The following ARHGAP32 variants were observed in gnomAD, a reference collection of about 807,000 sequenced individuals.
The protein encoded by ARHGAP32 is Rho GTPase activating protein 32, also known as rho GTPase-activating protein 32.
ARHGAP32 carries 51 observed loss-of-function variants against 186.5 expected under a neutral mutation model. The ratio of observed to expected loss-of-function variants is 0.27; its 90% confidence interval spans 0.22 to 0.35. The LOEUF is 0.35. Ranked by LOEUF, ARHGAP32 falls within the 10% of genes least tolerant of loss-of-function variation. ARHGAP32 has a pLI of 1.00. For missense variants in ARHGAP32, 2,186 were observed against 2,623.5 expected (o/e 0.83, Z 3.64); for synonymous variants, 950 against 964.3 (o/e 0.99, Z 0.27).
chr11:128,970,782 T>C lies in ARHGAP32; in HGVS notation c.4431A>G (p.Gln1477=). The C allele has an allele frequency of 6.2e-7, 1 of 1,614,110 alleles. No individual in the cohort carries two copies. Among genetic ancestry groups the C allele is most frequent in the Non-Finnish European group, 8.5e-7 (1 of 1,180,006 alleles). ...DALPLPLPVP[Q]PKHASQKTVY... is the part of the protein sequence containing the mutation. ...CTGTTTTCTGAGAAGCATGCTTAGG[T>C]TGTGGGACAGGAAGTGGTAAAGGCA... Residue 1477 remains glutamine (Q), a synonymous_variant, in exon 23 of 23, where the codon CAA becomes CAG. Coordinates refer to ENST00000682385, the MANE Select transcript of ARHGAP32 (RefSeq NM_001378024.1). The surrounding 1 kb of genome is among the most constrained non-coding windows in gnomAD (Gnocchi z 5.8).
intron 11 of ARHGAP32, among the ~76,000 whole-genome samples, chr11:129,025,414 A>C (rs567888213): frequency 6.6e-6 from 1 of 152,344 alleles, no homozygotes; most frequent in Admixed American, 6.5e-5. Context: ...TTAAAATAAG[A>C]AAGATCATAG....
chr11:129,195,539 C>T (rs1052892379), upstream of ARHGAP32, among the ~76,000 whole-genome samples: 3 of 151,584 alleles, frequency 2.0e-5, no homozygotes, highest in Admixed American at 6.6e-5. Flanking sequence ...TACAGGCACC[C>T]GCCACCACAC....
chr11:129,121,984 G>A (rs1488700649), intron 5 of ARHGAP32, among the ~76,000 whole-genome samples: 1 of 151,946 alleles, frequency 6.6e-6, no homozygotes, highest in East Asian at 1.9e-4. Flanking sequence ...TTAGAACTAT[G>A]ATACTATTTA....
chr11:128,979,923 A>G (rs1945660056), intron 18 of ARHGAP32, among the ~76,000 whole-genome samples: 1 of 152,220 alleles, frequency 6.6e-6, no homozygotes, highest in Non-Finnish European at 1.5e-5. Flanking sequence ...CAGAGCTGGA[A>G]GGGACATTGA....
chr11:129,093,520 A>T lies in ARHGAP32; in HGVS notation c.531+101T>A, dbSNP rs188100465. On this transcript the variant is annotated intron_variant, in intron 6 of 22. Coordinates refer to ENST00000682385, the MANE Select transcript of ARHGAP32 (RefSeq NM_001378024.1). ...GTATTATATAAGTATTTTTCTGTGGATTATATCCTTTAGGCAAATCACGTT... is the reference window on the plus strand; with the variant it reads ...GTATTATATAAGTATTTTTCTGTGGTTTATATCCTTTAGGCAAATCACGTT... The T allele has an allele frequency of 9.7e-5, 77 of 792,590 alleles. No individual in the cohort carries two copies. The African/African-American group carries it at 1.1e-3, about 11-fold the overall frequency. The allele number at this position is 792,590 out of a possible 1,614,324, so 49.1% of individuals were successfully genotyped here.
intron 5 of ARHGAP32, among the ~76,000 whole-genome samples, chr11:129,108,369 T>C (rs117019791): frequency 0.012 from 1,771 of 152,104 alleles, 19 homozygotes; most frequent in Non-Finnish European, 0.017. Flanking sequence ...TCAGACAAAA[T>C]AGACATTAGG....
At position 128,986,006 on chromosome 11, in the gene ARHGAP32, T is replaced by C. The variant is rs1032979888; in HGVS notation, c.1523A>G (p.Tyr508Cys). The change falls in exon 15 of 23, where the codon TAC becomes TGC. Residue 508 changes from tyrosine to cysteine, a missense_variant. Transcript: ENST00000682385. ...DVIQQLPPPH[Y>C]RTLEFLMRHL... ...GTATTTACCCACTGTGGCTGACCTG[T>C]AGTGTGGTGGGGGGAGCTGCTGGAT... The C allele has an allele frequency of 4.4e-6, 7 of 1,607,742 alleles. No homozygotes were observed. Among genetic ancestry groups the C allele is most frequent in the Non-Finnish European group, 5.1e-6 (6 of 1,177,950 alleles).
At chr11:129,241,005 T>C (rs192392402) in intron 1 of ARHGAP32, among the ~76,000 whole-genome samples, 1 of 152,318 alleles carries the variant, frequency 6.6e-6, no homozygotes, top group Admixed American at 6.5e-5. Flanking sequence ...CATTCCTGAA[T>C]TTGAATTCTT....
chr11:129,265,786 C>T (rs946514970), intron 1 of ARHGAP32, among the ~76,000 whole-genome samples: 6 of 152,184 alleles, frequency 3.9e-5, no homozygotes, highest in African/African-American at 1.2e-4. Context: ...ATGTACTGCA[C>T]ACTTTCCTGT....
At chr11:129,216,019 G>A (rs1021053295) in intron 1 of ARHGAP32, among the ~76,000 whole-genome samples, 2 of 152,260 alleles carry the variant, frequency 1.3e-5, no homozygotes, top group East Asian at 1.9e-4. Flanking sequence ...AAATTGGAAC[G>A]ACAGGAATGT....
At chr11:129,060,536 T>C (rs1940458239) in intron 10 of ARHGAP32, among the ~76,000 whole-genome samples, 1 of 152,156 alleles carries the variant, frequency 6.6e-6, no homozygotes, top group African/African-American at 2.4e-5. Context: ...ACTGACTCCT[T>C]AATAGGAAAA....
intron 1 of ARHGAP32, among the ~76,000 whole-genome samples, chr11:129,169,943 C>A (rs1428673824): frequency 6.6e-6 from 1 of 151,766 alleles, no homozygotes; most frequent in Non-Finnish European, 1.5e-5. Context: ...TAAGGCCAAG[C>A]CAGAGTTTAG....
At chr11:129,112,406 C>T (rs992637068) in intron 5 of ARHGAP32, among the ~76,000 whole-genome samples, 66 of 152,034 alleles carry the variant, frequency 4.3e-4, no homozygotes, top group African/African-American at 1.5e-3. Context: ...AATTTCTGAG[C>T]TTCCTGTATC....
At chr11:129,154,017 G>C (rs1362915402) in intron 2 of ARHGAP32, among the ~76,000 whole-genome samples, 2 of 150,576 alleles carry the variant, frequency 1.3e-5, no homozygotes, top group South Asian at 2.1e-4. Flanking sequence ...AATTCACAAA[G>C]AACTCCAACA....
chr11:129,043,605 C>T (rs1458011814), intron 10 of ARHGAP32, among the ~76,000 whole-genome samples: 1 of 151,920 alleles, frequency 6.6e-6, no homozygotes, highest in Non-Finnish European at 1.5e-5. Flanking sequence ...TCAGGCTGGT[C>T]GTGAACTCCC....
At chr11:129,000,764 C>A (rs1053937952) in intron 11 of ARHGAP32, among the ~76,000 whole-genome samples, 7 of 152,066 alleles carry the variant, frequency 4.6e-5, no homozygotes, top group Non-Finnish European at 7.4e-5. Context: ...TCCCCACCCC[C>A]CCACCATTGG....
At chr11:129,044,432 C>A (rs1205419184) in intron 10 of ARHGAP32, among the ~76,000 whole-genome samples, 1 of 152,068 alleles carries the variant, frequency 6.6e-6, no homozygotes, top group East Asian at 1.9e-4. Context: ...CAGAACTTGG[C>A]GATGACCTTG....
intron 1 of ARHGAP32, among the ~76,000 whole-genome samples, chr11:129,235,623 G>A (rs1321417906): frequency 6.6e-6 from 1 of 152,040 alleles, no homozygotes; most frequent in Admixed American, 6.6e-5. Context: ...ATTCTTCAGT[G>A]GTGATTTCTG....
Position 128,969,068 on chromosome 11 carries a change from G to A in ARHGAP32, c.6145C>T (p.His2049Tyr). ...NLEDYHSLPQ[H>Y]QRGVFGGGGM... ...CCCCCTCCAAAGACTCCTCGCTGGT[G>A]CTGAGGCAGGGAGTGGTAATCTTCC... The change falls in exon 23 of 23, where the codon CAC (histidine) becomes TAC (tyrosine). Residue 2049 changes from histidine (H) to tyrosine (Y), a missense_variant. Transcript: ENST00000682385. This position sits in a 1 kb window ranked among gnomAD's most constrained non-coding sequence, Gnocchi z 4.8. 2 of 1,611,488 alleles carry A rather than the reference G, an allele frequency of 1.2e-6. No homozygotes were observed. Among genetic ancestry groups the A allele is most frequent in the South Asian group, 1.1e-5 (1 of 90,700 alleles).
Sources: gnomAD v4.1 joint callset for allele counts (sites outside exome capture counted in the v4.1 genomes callset) on GRCh38, gnomAD v4.1.1 for gene constraint, Gnocchi (gnomAD v3.1) non-coding constraint, MANE v1.5 for transcripts, NCBI Gene and HGNC (gene_info 2026-07-23, HGNC 2026-07-21) for gene names.